The following TMEM196 variants were observed in gnomAD, a reference collection of about 807,000 sequenced individuals.
The protein encoded by TMEM196 is transmembrane protein 196.
In TMEM196, 17 loss-of-function variants were observed where a neutral mutation model predicts 20.0. That is an observed-to-expected ratio of 0.85 (90% confidence interval 0.58 to 1.27). The LOEUF (loss-of-function observed/expected upper bound fraction) is 1.27, where lower values mean the gene tolerates loss of function less well. TMEM196 is among the 50% of genes most tolerant of loss of function. The pLI is 0.00. For synonymous variants in TMEM196, 113 were observed against 88.9 expected (o/e 1.27, Z -1.52); for missense variants, 267 against 223.0 (o/e 1.20, Z -1.26).
intron 2 of TMEM196, among the ~76,000 whole-genome samples, chr7:19,726,533 G>T (rs1358969890): frequency 6.6e-6 from 1 of 151,840 alleles, no homozygotes; most frequent in African/African-American, 2.4e-5. Flanking sequence ...TACAATAGGC[G>T]TTCCAAAAAT....
Position 19,720,824 on chromosome 7 carries a change from C to T in TMEM196, c.*1304G>A, listed in dbSNP as rs1452504860. 6.6e-6 allele frequency: 1 copy of T among 151,808 alleles called. No individual in the cohort carries two copies. The highest frequency in any genetic ancestry group is 1.5e-5 in the Non-Finnish European group (1 of 67,790). The allele number at this position is 151,808 out of a possible 1,614,324, so 9.4% of individuals were successfully genotyped here. A position where few individuals can be genotyped will look rare whatever the true frequency, so the allele number is the denominator to read the frequency against. On this transcript the variant is annotated 3_prime_UTR_variant, in exon 5 of 5. Transcript: ENST00000405844. ...TTCATGAGAATCGTAAAACAAAACA[C>T]CTAAATTAGATTACAGCAAAGGTAA...
chr7:19,734,171 A>G (rs1784313468), intron 1 of TMEM196, among the ~76,000 whole-genome samples: 1 of 152,204 alleles, frequency 6.6e-6, no homozygotes, highest in Admixed American at 6.5e-5. Flanking sequence ...ACAGCCAAAC[A>G]ACATTTAGTT....
At chr7:19,766,376 G>T (rs972454814) in intron 1 of TMEM196, among the ~76,000 whole-genome samples, 1 of 151,932 alleles carries the variant, frequency 6.6e-6, no homozygotes, top group African/African-American at 2.4e-5. Context: ...CATTTCGCAT[G>T]TTGGAACATC....
At chr7:19,767,415 A>T (rs920196276) in intron 1 of TMEM196, among the ~76,000 whole-genome samples, 3 of 152,108 alleles carry the variant, frequency 2.0e-5, no homozygotes, top group African/African-American at 7.2e-5. Context: ...TATTAATCAT[A>T]TAAGAAAGAG....
intron 4 of TMEM196, among the ~76,000 whole-genome samples, chr7:19,723,244 A>G (rs1331405205): frequency 6.6e-6 from 1 of 152,112 alleles, no homozygotes; most frequent in Non-Finnish European, 1.5e-5. Flanking sequence ...CTCACCATTG[A>G]TGGCAAAATA....
At chr7:19,733,740 A>G (rs567251770) in intron 1 of TMEM196, among the ~76,000 whole-genome samples, 1 of 152,142 alleles carries the variant, frequency 6.6e-6, no homozygotes, top group South Asian at 2.1e-4. Flanking sequence ...AGTAGAGGAC[A>G]TTGACCATTG....
At chr7:19,742,423 TC>T (rs1462899339) in intron 1 of TMEM196, among the ~76,000 whole-genome samples, 1 of 152,098 alleles carries the variant, frequency 6.6e-6, no homozygotes, top group Non-Finnish European at 1.5e-5. Flanking sequence ...TAGAGGAACT[TC>T]CTTAAACCCC....
chr7:19,732,167 G>T (rs933124070), intron 1 of TMEM196, among the ~76,000 whole-genome samples: 1 of 152,196 alleles, frequency 6.6e-6, no homozygotes, highest in Non-Finnish European at 1.5e-5. Context: ...AAGTTTACAC[G>T]TGGGGACATG....
chr7:19,753,076 A>G (rs528009565), intron 1 of TMEM196, among the ~76,000 whole-genome samples: 3 of 152,154 alleles, frequency 2.0e-5, no homozygotes, highest in Non-Finnish European at 4.4e-5. Flanking sequence ...CCCTTTTTGC[A>G]TATTCTACTT....
At chr7:19,770,830 A>AT (rs1224200477) in intron 1 of TMEM196, among the ~76,000 whole-genome samples, 7 of 152,090 alleles carry the variant, frequency 4.6e-5, no homozygotes, top group African/African-American at 1.7e-4. Context: ...ATATTTAATC[A>AT]TTTTTTTCTT....
At chr7:19,772,078 A>G (rs937183514) in intron 1 of TMEM196, among the ~76,000 whole-genome samples, 1 of 152,178 alleles carries the variant, frequency 6.6e-6, no homozygotes, top group African/African-American at 2.4e-5. Context: ...CTTGGGCATT[A>G]TTGCCCAGGG....
intron 1 of TMEM196, among the ~76,000 whole-genome samples, chr7:19,739,198 C>A (rs932546414): frequency 6.6e-6 from 1 of 152,100 alleles, no homozygotes; most frequent in Non-Finnish European, 1.5e-5. Flanking sequence ...TCATTATTTG[C>A]AGACAATATA....
chr7:19,736,351 T>C (rs1462843615), intron 1 of TMEM196, among the ~76,000 whole-genome samples: 3 of 89,876 alleles, frequency 3.3e-5, no homozygotes, highest in Non-Finnish European at 7.0e-5. Flanking sequence ...TAGTGGTTCC[T>C]ACTATATATA....
intron 1 of TMEM196, among the ~76,000 whole-genome samples, chr7:19,746,091 A>G (rs889445479): frequency 3.9e-5 from 6 of 152,100 alleles, no homozygotes; most frequent in Admixed American, 3.9e-4. Flanking sequence ...CCTACCTGGG[A>G]AATTGGGGTA....
intron 4 of TMEM196, 35 bp downstream of exon 4, chr7:19,724,245 A>G: frequency 2.6e-6 from 4 of 1,541,184 alleles, no homozygotes; most frequent in Non-Finnish European, 3.5e-6. Context: ...CTGCAGCGAC[A>G]TTACAACATG....
At chr7:19,768,490 T>A (rs979205023) in intron 1 of TMEM196, among the ~76,000 whole-genome samples, 3 of 152,262 alleles carry the variant, frequency 2.0e-5, no homozygotes, top group African/African-American at 7.2e-5. Context: ...CACTGGAGGC[T>A]GAGAAGAGTG....
At chr7:19,752,468 A>G (rs1292713036) in intron 1 of TMEM196, among the ~76,000 whole-genome samples, 3 of 152,168 alleles carry the variant, frequency 2.0e-5, no homozygotes, top group Non-Finnish European at 4.4e-5. Flanking sequence ...TAACAGGATT[A>G]TTTAAGGGCT....
chr7:19,769,528 C>G (rs1252603709), intron 1 of TMEM196, among the ~76,000 whole-genome samples: 2 of 151,994 alleles, frequency 1.3e-5, no homozygotes, highest in African/African-American at 4.8e-5. Context: ...GACTGAAAGA[C>G]TCTCTCTTCT....
In TMEM196 at chr7:19,759,480, C is replaced by A. The variant is rs191031813; in HGVS notation, c.147+13070G>T. The stretch of plus-strand genomic sequence containing the variant: ...AATATTTTGTATTTACTAATTACTC[C>A]CACACTGATATTTCTAGCACAGCCC... On this transcript the variant is annotated intron_variant, in intron 1 of 4. Transcript: ENST00000405844. Among the ~76,000 whole-genome samples the A allele has an allele frequency of 4.0e-4, 61 of 152,120 alleles. No individual in the cohort carries two copies. In the East Asian group the frequency reaches 0.01, roughly 26 times the overall value.
Sources: allele counts gnomAD v4.1 joint callset (sites outside exome capture counted in the v4.1 genomes callset), GRCh38; gene constraint gnomAD v4.1.1; transcripts MANE v1.5; gene names NCBI Gene and HGNC (gene_info 2026-07-23, HGNC 2026-07-21).